Variants in PLEKHG6 observed in about 807,000 individuals in gnomAD.
The protein encoded by PLEKHG6 is pleckstrin homology and RhoGEF domain containing G6.
PLEKHG6 carries 91 observed loss-of-function variants against 97.5 expected under a neutral mutation model. The observed-to-expected ratio is 0.93, with a 90% CI of 0.79 to 1.11. PLEKHG6 has a LOEUF of 1.11. Ranked by LOEUF, PLEKHG6 falls within the 50% of genes most tolerant of loss-of-function variation. The pLI is 0.00. For missense variants in PLEKHG6, 1,044 were observed against 1,031.0 expected (o/e 1.01, Z -0.17); for synonymous variants, 466 against 425.5 (o/e 1.10, Z -1.17).
At chr12:6,318,616 G>A (rs1037310968) in intron 11 of PLEKHG6, 129 bp from the exon 12 acceptor site, 2 of 1,203,442 alleles carry the variant, frequency 1.7e-6, no homozygotes, top group South Asian at 2.8e-5. Flanking sequence ...GACGCCCCTG[G>A]CCACTCCCGC....
Position 6,318,868 on chromosome 12 carries a change from C to T in PLEKHG6, c.1399C>T (p.Arg467Ter), listed in dbSNP as rs1194198103. The change falls in exon 12 of 16, where the codon CGA becomes TGA. Residue 467 changes from arginine (R) to a stop codon, truncating the protein, a stop_gained. Transcript: ENST00000684764. LOFTEE classifies it high-confidence loss of function. Reference protein sequence around the residue: ...MLEKLVCQPLRDPNSFLLIHL... With the variant: ...MLEKLVCQPL ...GGAGAAGCTCGTGTGCCAACCCCTG[C>T]GAGACCCCAGTACGTCCTTCCTTCA... is the stretch of plus-strand genomic sequence containing the variant. 4 of 1,614,234 alleles carry T rather than the reference C, an allele frequency of 2.5e-6. No homozygotes were observed. Among genetic ancestry groups the T allele is most frequent in the South Asian group, 2.2e-5 (2 of 91,088 alleles).
In PLEKHG6 at chr12:6,317,883, A is replaced by G. The variant is rs1191976771; in HGVS notation, c.1044A>G (p.Arg348=). ...AMIEAVESFL[R]HINGQVRQGE... The stretch of plus-strand genomic sequence containing the variant: ...TTGAAGCCGTGGAGTCATTCCTGCG[A>G]CACATCAATGGGCAGGTCCGCCAGG... The change falls in exon 10 of 16, where the codon CGA becomes CGG. Residue 348 remains arginine (R), a synonymous_variant. Coordinates refer to ENST00000684764, the MANE Select transcript of PLEKHG6 (RefSeq NM_001384598.1). 2.6e-6 allele frequency: 4 copies of G among 1,556,214 alleles called. No individual in the cohort carries two copies. Among genetic ancestry groups the G allele is most frequent in the Non-Finnish European group, 3.5e-6 (4 of 1,149,284 alleles).
chr12:6,317,958 C>T lies in PLEKHG6; in HGVS notation c.1119C>T (p.Tyr373=), dbSNP rs534778087. The part of the protein sequence containing the change: ...LAAAAQRIGP[Y]EVLEPPSDEV... The stretch of plus-strand genomic sequence containing the variant: ...CTGCAGCACAACGCATCGGGCCCTA[C>T]GAGGTGCTGGAGCCACCCAGTGATG... The change falls in exon 10 of 16, where the codon TAC becomes TAT. Residue 373 remains tyrosine, a synonymous_variant. Coordinates refer to ENST00000684764, the MANE Select transcript of PLEKHG6 (RefSeq NM_001384598.1). 1.5e-5 allele frequency: 24 copies of T among 1,587,296 alleles called. No individual in the cohort carries two copies. Among genetic ancestry groups the T allele is most frequent in the Admixed American group, 1.5e-4 (8 of 54,878 alleles).
chr12:6,318,644 G>A, intron 11 of PLEKHG6, 101 bp from the exon 12 acceptor site: 1 of 1,352,084 alleles, frequency 7.4e-7, no homozygotes, highest in Non-Finnish European at 1.0e-6. Context: ...CTCTGCGTGT[G>A]TCCCTGTGTG....
chr12:6,327,649 G>T lies in PLEKHG6; in HGVS notation c.2066G>T (p.Arg689Leu), dbSNP rs986147918. 6.4e-7 allele frequency: 1 copy of T among 1,559,938 alleles called. No individual in the cohort carries two copies. Among genetic ancestry groups the T allele is most frequent in the Non-Finnish European group, 8.7e-7 (1 of 1,148,052 alleles). Residue 689 changes from arginine (R) to leucine (L), a missense_variant, in exon 15 of 16, where the codon CGG (arginine) becomes CTG (leucine). Transcript: ENST00000684764. ...GTGGTGGAAACACTCCACAGGGCCC[G>T]GCTTCGGGGCCAGCTTCCCTCCTCC... is the stretch of plus-strand genomic sequence containing the variant. ...NVVVETLHRA[R>L]LRGQLPSSPT...
chr12:6,323,398 G>A (rs995600998), intron 13 of PLEKHG6, among the ~76,000 whole-genome samples: 5 of 152,204 alleles, frequency 3.3e-5, no homozygotes, highest in Non-Finnish European at 7.3e-5. Flanking sequence ...TAGAAACTCT[G>A]TTGGTCCCTT....
intron 1 of PLEKHG6, among the ~76,000 whole-genome samples, chr12:6,311,585 A>G (rs929217913): frequency 1.3e-5 from 2 of 152,230 alleles, no homozygotes; most frequent in African/African-American, 4.8e-5. Context: ...CTGAATTTGA[A>G]TATCATGTAA....
chr12:6,314,872 T>C (rs1399562746), intron 3 of PLEKHG6, 133 bp from the exon 4 acceptor site: 2 of 807,496 alleles, frequency 2.5e-6, no homozygotes, highest in East Asian at 2.5e-5. Context: ...CAGTGCTGCT[T>C]GCCATCTCCC....
At chr12:6,323,881 A>G (rs1231330485) in intron 13 of PLEKHG6, among the ~76,000 whole-genome samples, 1 of 152,162 alleles carries the variant, frequency 6.6e-6, no homozygotes, top group Non-Finnish European at 1.5e-5. Context: ...TGACTGGGGA[A>G]ACGCATCCGC....
intron 11 of PLEKHG6, 35 bp from the exon 12 acceptor site, chr12:6,318,710 G>A (rs1406344494): frequency 1.2e-6 from 2 of 1,607,832 alleles, no homozygotes; most frequent in South Asian, 2.2e-5. Context: ...GGCTCCAGCT[G>A]ACCCTGTCTC....
chr12:6,316,446 G>A lies in PLEKHG6; in HGVS notation c.756+42G>A, dbSNP rs370107423. 5.3e-5 allele frequency: 80 copies of A among 1,519,040 alleles called. No homozygotes were observed. The highest frequency in any genetic ancestry group is 3.7e-4 in the African/African-American group (27 of 72,476). The allele number at this position is 1,519,040 out of a possible 1,614,324, so 94.1% of individuals were successfully genotyped here. ...GCTGTGTCTGGATGGGGCAGGACTC[G>A]GAGCCCTCGGGGGTCCTGTGTGTAG... On this transcript the variant is annotated intron_variant, in intron 7 of 15. Coordinates refer to ENST00000684764, the MANE Select transcript of PLEKHG6 (RefSeq NM_001384598.1). This position sits in a 1 kb window ranked among gnomAD's most constrained non-coding sequence, Gnocchi z 4.1.
At chr12:6,311,681 G>T (rs1449175364) in intron 1 of PLEKHG6, among the ~76,000 whole-genome samples, 2 of 152,136 alleles carry the variant, frequency 1.3e-5, no homozygotes, top group African/African-American at 4.8e-5. Context: ...AGGCTTACAG[G>T]CTGTACAAAA....
intron 13 of PLEKHG6, among the ~76,000 whole-genome samples, chr12:6,324,064 C>T (rs1193208006): frequency 1.3e-5 from 2 of 152,070 alleles, no homozygotes; most frequent in African/African-American, 4.8e-5. Context: ...GGGGCCCTCC[C>T]TTCCTCTTCT....
rs550157166 is a variant in PLEKHG6 at position 6,316,947 on chromosome 12, C to A, written c.757-356C>A. ...AAGGCTTCTGAGCCAACTCTTAGGTCGCCACCCCACCCCCAGGGTGAAATG... is the reference window on the plus strand; with the variant it reads ...AAGGCTTCTGAGCCAACTCTTAGGTAGCCACCCCACCCCCAGGGTGAAATG... On this transcript the variant is annotated intron_variant, in intron 7 of 15. Transcript: ENST00000684764. This position sits in a 1 kb window ranked among gnomAD's most constrained non-coding sequence, Gnocchi z 4.1. Among the ~76,000 whole-genome samples, 1 of 152,150 alleles carries A rather than the reference C, an allele frequency of 6.6e-6. No individual in the cohort carries two copies. The highest frequency in any genetic ancestry group is 2.4e-5 in the African/African-American group (1 of 41,426).
intron 13 of PLEKHG6, among the ~76,000 whole-genome samples, chr12:6,320,096 T>C (rs947308369): frequency 6.6e-6 from 1 of 152,146 alleles, no homozygotes; most frequent in East Asian, 1.9e-4. Flanking sequence ...CCATTGGTAT[T>C]GCTACAGTAT....
At position 6,328,241 on chromosome 12, in the gene PLEKHG6, AC is replaced by A; in HGVS notation, c.*98del. On this transcript the variant is annotated 3_prime_UTR_variant, in exon 16 of 16. Coordinates refer to ENST00000684764, the MANE Select transcript of PLEKHG6 (RefSeq NM_001384598.1). ...CGGCATCTGTGACTCTACCTCAAGGACCACATTTCCCAAAGGAAGCCTGGCC... is the reference window on the plus strand; with the variant it reads ...CGGCATCTGTGACTCTACCTCAAGGACACATTTCCCAAAGGAAGCCTGGCC... The A allele has an allele frequency of 2.3e-6, 3 of 1,293,862 alleles. No individual in the cohort carries two copies. The highest frequency in any genetic ancestry group is 3.3e-6 in the Non-Finnish European group (3 of 896,424). 80.1% of individuals were successfully genotyped at this position (1,293,862 alleles called of 1,614,324 possible).
chr12:6,328,303 GAACTGTA>G lies in PLEKHG6; in HGVS notation c.*161_*167del. 15 of 665,330 alleles carry G rather than the reference GAACTGTA, an allele frequency of 2.3e-5. No individual in the cohort carries two copies. In the South Asian group the frequency reaches 2.9e-4, roughly 13 times the overall value. 41.2% of individuals were successfully genotyped at this position (665,330 alleles called of 1,614,324 possible). A position where few individuals can be genotyped will look rare whatever the true frequency, so the allele number is the denominator to read the frequency against. On this transcript the variant is annotated 3_prime_UTR_variant, in exon 16 of 16. Coordinates refer to ENST00000684764, the MANE Select transcript of PLEKHG6 (RefSeq NM_001384598.1). ...GCCTCCTGCTCTGTTTGGGGATCAA[GAACTGTA>G]AATTTATGTATCATAGGTGCACCTG...
chr12:6,312,110 C>T, intron 1 of PLEKHG6, 49 bp from the exon 2 acceptor site: 3 of 899,204 alleles, frequency 3.3e-6, no homozygotes, highest in Non-Finnish European at 4.8e-6. Flanking sequence ...CGCCTGGTGC[C>T]ATTCACTGAT....
Position 6,322,117 on chromosome 12 carries a change from G to A in PLEKHG6, c.1524+3009G>A, listed in dbSNP as rs985556571. Among the ~76,000 whole-genome samples, 6 of 152,152 alleles carry A rather than the reference G, an allele frequency of 3.9e-5. No individual in the cohort carries two copies. In the East Asian group the frequency reaches 5.8e-4, roughly 15 times the overall value. ...GGCTCAGGAACTCCAGATACCCAGC[G>A]GCAAAGAGCACAGTTGGCCTCCCGA... On this transcript the variant is annotated intron_variant, in intron 13 of 15. Transcript: ENST00000684764.
Sources: gnomAD v4.1 joint callset for allele counts (sites outside exome capture counted in the v4.1 genomes callset) on GRCh38, gnomAD v4.1.1 for gene constraint, Gnocchi (gnomAD v3.1) non-coding constraint, MANE v1.5 for transcripts, NCBI Gene and HGNC (gene_info 2026-07-23, HGNC 2026-07-21) for gene names.